Variants in DLEU7 observed in about 807,000 individuals in gnomAD.
The protein encoded by DLEU7 is deleted in lymphocytic leukemia 7, also known as leukemia-associated protein 7.
Under a neutral mutation model 16.0 loss-of-function variants are expected in DLEU7, and 17 were observed. The ratio of observed to expected loss-of-function variants is 1.06; its 90% confidence interval spans 0.73 to 1.59. The LOEUF (loss-of-function observed/expected upper bound fraction) is 1.59. Ranked by LOEUF, DLEU7 falls within the 40% of genes most tolerant of loss-of-function variation. DLEU7 has a pLI of 0.00. For missense variants in DLEU7, 308 were observed against 314.9 expected (o/e 0.98, Z 0.17); for synonymous variants, 113 against 139.8 (o/e 0.81, Z 1.35).
intron 1 of DLEU7, among the ~76,000 whole-genome samples, chr13:50,811,640 C>G (rs1593405028): frequency 6.6e-6 from 1 of 152,274 alleles, no homozygotes; most frequent in East Asian, 1.9e-4. Context: ...CCTTCCAGCA[C>G]TAGCCACATG....
chr13:50,822,505 A>T, downstream of DLEU7: 1 of 483,096 alleles, frequency 2.1e-6, no homozygotes, highest in Non-Finnish European at 2.7e-6. Context: ...AAAAAAAAAA[A>T]ATCACCTTCT....
At chr13:50,809,932 T>C (rs1362791801) in intron 1 of DLEU7, among the ~76,000 whole-genome samples, 1 of 152,088 alleles carries the variant, frequency 6.6e-6, no homozygotes, top group Non-Finnish European at 1.5e-5. Flanking sequence ...GGGACTCTGT[T>C]TGTGACACAG....
chr13:50,744,264 T>G (rs972989735), intron 1 of DLEU7, among the ~76,000 whole-genome samples: 2 of 152,176 alleles, frequency 1.3e-5, no homozygotes, highest in African/African-American at 4.8e-5. Flanking sequence ...AATCCCAACC[T>G]CTTAACTTGA....
chr13:50,714,571 A>G (rs1873385699), intron 1 of DLEU7, among the ~76,000 whole-genome samples: 2 of 152,210 alleles, frequency 1.3e-5, no homozygotes, highest in African/African-American at 4.8e-5. Flanking sequence ...CTAAGGAGTG[A>G]CCAAAAAAAT....
chr13:50,788,202 C>T (rs1234550106), intron 1 of DLEU7, among the ~76,000 whole-genome samples: 2 of 152,206 alleles, frequency 1.3e-5, no homozygotes, highest in Non-Finnish European at 2.9e-5. Flanking sequence ...TTAACCAACT[C>T]TCTTGCCTTA....
chr13:50,724,313 A>T (rs1873705618), intron 1 of DLEU7, among the ~76,000 whole-genome samples: 1 of 152,216 alleles, frequency 6.6e-6, no homozygotes. Context: ...CTATTTATTA[A>T]CTTATATTAT....
chr13:50,738,618 A>T (rs1369811789), intron 1 of DLEU7, among the ~76,000 whole-genome samples: 1 of 152,106 alleles, frequency 6.6e-6, no homozygotes, highest in African/African-American at 2.4e-5. Context: ...CTCTTTCCAC[A>T]TTACCCTGCT....
intron 1 of DLEU7, among the ~76,000 whole-genome samples, chr13:50,771,014 G>T (rs1039102135): frequency 2.0e-5 from 3 of 152,176 alleles, no homozygotes; most frequent in Non-Finnish European, 4.4e-5. Context: ...ATGTGTCCAG[G>T]AATTTATCCA....
chr13:50,829,893 C>T (rs1327499434), intron 1 of DLEU7, among the ~76,000 whole-genome samples: 2 of 152,120 alleles, frequency 1.3e-5, no homozygotes, highest in African/African-American at 4.8e-5. Context: ...GTAGGGGTCA[C>T]AAGTCACAGC....
intron 1 of DLEU7, among the ~76,000 whole-genome samples, chr13:50,718,732 A>T (rs979363314): frequency 6.6e-6 from 1 of 152,248 alleles, no homozygotes; most frequent in Non-Finnish European, 1.5e-5. Context: ...TCAGTGTCAG[A>T]TAATGTGTGA....
intron 1 of DLEU7, among the ~76,000 whole-genome samples, chr13:50,750,720 A>C (rs907169325): frequency 2.0e-4 from 30 of 151,998 alleles, no homozygotes; most frequent in African/African-American, 7.3e-4. Flanking sequence ...AAAGGGGTTG[A>C]GTTCTTGATT....
downstream of DLEU7, chr13:50,711,839 C>G (rs1057341011): frequency 1.4e-5 from 2 of 146,714 alleles, no homozygotes; most frequent in African/African-American, 5.2e-5. Context: ...AGAATCAAAT[C>G]AGAGCCTGGG....
intron 1 of DLEU7, among the ~76,000 whole-genome samples, chr13:50,729,797 GC>G (rs1873867753): frequency 6.6e-6 from 1 of 152,046 alleles, no homozygotes; most frequent in African/African-American, 2.4e-5. Context: ...GTGATGTTGA[GC>G]ATTTTTTCAT....
chr13:50,722,796 T>G (rs1873659618), intron 1 of DLEU7, among the ~76,000 whole-genome samples: 1 of 152,188 alleles, frequency 6.6e-6, no homozygotes, highest in South Asian at 2.1e-4. Flanking sequence ...TTTGAGATGA[T>G]TATAGATTTG....
rs537891291 is a variant in DLEU7 at position 50,789,356 on chromosome 13, C to G, written c.459+53832G>C. Among the ~76,000 whole-genome samples the G allele has an allele frequency of 2.0e-5, 3 of 148,690 alleles. No individual in the cohort carries two copies. The East Asian group carries it at 5.9e-4, about 29-fold the overall frequency. On this transcript the variant is annotated intron_variant, in intron 1 of 1. Transcript: ENST00000400393. Reference sequence around the variant, plus strand: ...AATGCCATTCTCCAGATGATGAGACCTACACAATGCAAACATTCAGTGTGA... The same window carrying G: ...AATGCCATTCTCCAGATGATGAGACGTACACAATGCAAACATTCAGTGTGA...
intron 1 of DLEU7, among the ~76,000 whole-genome samples, chr13:50,790,677 G>T (rs996072085): frequency 6.6e-6 from 1 of 152,062 alleles, no homozygotes; most frequent in Admixed American, 6.6e-5. Context: ...GGCGGACAAC[G>T]TGCTGGCTGG....
At chr13:50,836,369 A>G (rs937543713) in intron 1 of DLEU7, among the ~76,000 whole-genome samples, 2 of 103,016 alleles carry the variant, frequency 1.9e-5, no homozygotes, top group Non-Finnish European at 4.2e-5. Flanking sequence ...AAGAAGAAAG[A>G]GAGAAAAAGG....
rs1873758572 is a variant in DLEU7 at position 50,726,256 on chromosome 13, C to T, written c.460-13016G>A. Among the ~76,000 whole-genome samples, 1 of 152,140 alleles carries T rather than the reference C, an allele frequency of 6.6e-6. No homozygotes were observed. The highest frequency in any genetic ancestry group is 2.4e-5 in the African/African-American group (1 of 41,436). On this transcript the variant is annotated intron_variant, in intron 1 of 1. Coordinates refer to the DLEU7 transcript ENST00000400393. This position sits in a 1 kb window ranked among gnomAD's most constrained non-coding sequence, Gnocchi z 4.0. ...CCACCTCAGCACTTTGTTGATTTGC[C>T]TCCTTTGACCATCCCCAGGGCAACA...
intron 1 of DLEU7, among the ~76,000 whole-genome samples, chr13:50,782,299 C>T (rs73186318): frequency 0.068 from 10,296 of 152,264 alleles, 496 homozygotes; most frequent in Admixed American, 0.14. Flanking sequence ...AAATGGCTAA[C>T]GGAAATCAGA....
Sources: allele counts gnomAD v4.1 joint callset (sites outside exome capture counted in the v4.1 genomes callset), GRCh38; gene constraint gnomAD v4.1.1; non-coding constraint Gnocchi (gnomAD v3.1); transcripts MANE v1.5; gene names NCBI Gene and HGNC (gene_info 2026-07-23, HGNC 2026-07-21).